CUL4B: variants seen among roughly 807,000 people sequenced by gnomAD.
CUL4B encodes the protein cullin-4B.
Under a neutral mutation model 69.2 loss-of-function variants are expected in CUL4B, and 1 was observed. That is an observed-to-expected ratio of 0.01 (90% CI 0.01 to 0.07). The LOEUF (loss-of-function observed/expected upper bound fraction) is 0.07, where lower values mean the gene tolerates loss of function less well. Ranked by LOEUF, CUL4B falls within the 10% of genes least tolerant of loss-of-function variation. CUL4B has a pLI of 1.00. For synonymous variants in CUL4B, 237 were observed against 223.2 expected (o/e 1.06, Z -0.55); for missense variants, 328 against 638.8 (o/e 0.51, Z 5.24).
intron 3 of CUL4B, 143 bp downstream of exon 3, chrX:120,546,993 T>C (rs1924378467): frequency 1.1e-5 from 5 of 475,414 alleles, no homozygotes; most frequent in Admixed American, 1.0e-4. Flanking sequence ...TCAAAATGTG[T>C]TTCTTTCTCG....
Position 120,532,410 on chromosome X carries a change from T to A in CUL4B, c.2439+12A>T, listed in dbSNP as rs1172931670. The A allele has an allele frequency of 1.7e-6, 2 of 1,178,111 alleles. No individual in the cohort carries two copies. Among genetic ancestry groups the A allele is most frequent in the South Asian group, 3.6e-5 (2 of 56,226 alleles). ...CCAGTGTGTTAGGACTAAGAGAAAG[T>A]GAAAGAAATACCGTTTCTTTCATCT... is the stretch of plus-strand genomic sequence containing the variant. On this transcript the variant is annotated intron_variant, in intron 18 of 19. Coordinates refer to ENST00000371322, the MANE Select transcript of CUL4B (RefSeq NM_001079872.2).
chrX:120,523,859 T>C lies in CUL4B; in HGVS notation c.*2902A>G. Among the ~76,000 whole-genome samples, 1 of 111,519 alleles carries C rather than the reference T, an allele frequency of 9.0e-6. No individual in the cohort carries two copies. Among genetic ancestry groups the C allele is most frequent in the East Asian group, 2.8e-4 (1 of 3,584 alleles). On this transcript the variant is annotated 3_prime_UTR_variant, in exon 20 of 20. Transcript: ENST00000371322. ...TTTTACAAAGCATAATTATGCAAAT[T>C]TTCATCAGTACTGCTCTTTTCTTTT...
At chrX:120,564,353 C>T (rs5910909), upstream of CUL4B, among the ~76,000 whole-genome samples, 20,274 of 110,987 alleles carry the variant, frequency 0.18, 1,522 homozygotes, top group South Asian at 0.26. Context: ...GGCTTGTAAT[C>T]CCAAAACTTT....
At chrX:120,550,458 A>G (rs1422362573) in intron 2 of CUL4B, among the ~76,000 whole-genome samples, 1 of 111,728 alleles carries the variant, frequency 9.0e-6, no homozygotes, top group Non-Finnish European at 1.9e-5. Context: ...AAGCAGAGAG[A>G]TGAGGCCCCT....
At chrX:120,530,311 C>A (rs1017677835) in intron 18 of CUL4B, 57 bp from the exon 19 acceptor site, 9 of 1,092,070 alleles carry the variant, frequency 8.2e-6, no homozygotes, top group African/African-American at 5.4e-5. Flanking sequence ...TGACTATTTA[C>A]ATAAATTGTG....
At chrX:120,565,722 CTTT>C (rs757952500), upstream of CUL4B, among the ~76,000 whole-genome samples, 1 of 59,442 alleles carries the variant, frequency 1.7e-5, no homozygotes. Context: ...AGTCCATTTA[CTTT>C]TTTTTTTTTT....
intron 2 of CUL4B, among the ~76,000 whole-genome samples, chrX:120,554,671 G>A (rs1218445104): frequency 3.6e-5 from 4 of 112,407 alleles, no homozygotes; most frequent in Non-Finnish European, 7.5e-5. Context: ...TCATGCAGAA[G>A]TAAGTTCTAA....
In CUL4B at chrX:120,530,346, T is replaced by C. The variant is rs866134394; in HGVS notation, c.2440-92A>G. On this transcript the variant is annotated intron_variant, in intron 18 of 19. Transcript: ENST00000371322. Reference sequence around the variant, plus strand: ...GCATTTTAGGGACATGACATTGTTATTGCTTTAAAGGTACTGAATTATCTA... The same window carrying C: ...GCATTTTAGGGACATGACATTGTTACTGCTTTAAAGGTACTGAATTATCTA... 2.9e-5 allele frequency: 25 copies of C among 873,479 alleles called. 1 individual carries two copies. The African/African-American group carries it at 3.1e-4, about 11-fold the overall frequency. 72.0% of individuals were successfully genotyped at this position (873,479 alleles called of 1,213,427 possible).
chrX:120,528,262 C>A (rs957012945), intron 19 of CUL4B, among the ~76,000 whole-genome samples: 1 of 109,406 alleles, frequency 9.1e-6, no homozygotes, highest in Non-Finnish European at 1.9e-5. Flanking sequence ...CAAGAATTAG[C>A]CAGGTGTGGT....
rs181386008 is a variant in CUL4B, at chrX:120,533,698, T to C, written c.2266+783A>G. Reference sequence around the variant, plus strand: ...CTTTGTTGCACTCTTACCACACTTATAGTCAGTACCACAAGCCAGTACTTA... The same window carrying C: ...CTTTGTTGCACTCTTACCACACTTACAGTCAGTACCACAAGCCAGTACTTA... On this transcript the variant is annotated intron_variant, in intron 17 of 19. Transcript: ENST00000371322. Among the ~76,000 whole-genome samples the C allele has an allele frequency of 1.5e-4, 17 of 111,944 alleles. No homozygotes were observed. The South Asian group carries it at 1.9e-3, about 12-fold the overall frequency.
At chrX:120,528,911 T>G (rs1923158629) in intron 19 of CUL4B, among the ~76,000 whole-genome samples, 1 of 111,986 alleles carries the variant, frequency 8.9e-6, no homozygotes, top group African/African-American at 3.2e-5. Flanking sequence ...ACTATATATC[T>G]TATGTATCTA....
At chrX:120,564,063 G>A (rs1925421320), upstream of CUL4B, among the ~76,000 whole-genome samples, 2 of 112,300 alleles carry the variant, frequency 1.8e-5, no homozygotes, top group Admixed American at 9.4e-5. Flanking sequence ...AGCACTTTGG[G>A]AGGCCAACAT....
At chrX:120,573,308 G>A (rs1414913280) in intron 2 of CUL4B, among the ~76,000 whole-genome samples, 2 of 111,203 alleles carry the variant, frequency 1.8e-5, no homozygotes, top group African/African-American at 3.3e-5. Flanking sequence ...CTTTTTAAGG[G>A]CTGTACACTA....
upstream of CUL4B, chrX:120,561,129 C>G (rs1925276942): frequency 2.1e-5 from 21 of 1,016,994 alleles, no homozygotes; most frequent in Non-Finnish European, 2.6e-5. Flanking sequence ...GGGGCGGTGT[C>G]AACCTCAGGG....
intron 4 of CUL4B, among the ~76,000 whole-genome samples, chrX:120,546,273 C>A (rs1924317677): frequency 9.1e-6 from 1 of 110,207 alleles, no homozygotes; most frequent in African/African-American, 3.3e-5. Context: ...TACAATGGTG[C>A]AATGTATACT....
In CUL4B at chrX:120,560,768, G is replaced by C. The variant is rs1173510838; in HGVS notation, c.-130C>G. The C allele has an allele frequency of 1.4e-6, 1 of 695,191 alleles. No homozygotes were observed. Among genetic ancestry groups the C allele is most frequent in the Non-Finnish European group, 1.8e-6 (1 of 558,236 alleles). 57.3% of individuals were successfully genotyped at this position (695,191 alleles called of 1,213,427 possible). On this transcript the variant is annotated 5_prime_UTR_variant, in exon 1 of 20. Coordinates refer to ENST00000371322, the MANE Select transcript of CUL4B (RefSeq NM_001079872.2). ...AGAAGAGAGGAGAAACACAGAGGAC[G>C]AGAAGGAAAGTGAAGGGGGGGGCTA...
At chrX:120,567,119 T>A (rs1384932164), downstream of CUL4B, among the ~76,000 whole-genome samples, 2 of 4,992 alleles carry the variant, frequency 4.0e-4, no homozygotes, top group Non-Finnish European at 8.3e-4. Flanking sequence ...CCAATTTAGA[T>A]TTTTTTTTTT....
chrX:120,568,495 A>G (rs1409369739), downstream of CUL4B, among the ~76,000 whole-genome samples: 2 of 111,753 alleles, frequency 1.8e-5, no homozygotes, highest in Non-Finnish European at 3.8e-5. Context: ...CAAGTCATGT[A>G]TTTTTCCTGC....
At chrX:120,561,675 GACGGAATAAA>G (rs1925331795), upstream of CUL4B, among the ~76,000 whole-genome samples, 2 of 108,938 alleles carry the variant, frequency 1.8e-5, no homozygotes, top group South Asian at 8.0e-4. Context: ...GAGAGGGAGG[GACGGAATAAA>G]ACGTAAGGGT....
Sources: allele counts gnomAD v4.1 joint callset (sites outside exome capture counted in the v4.1 genomes callset), GRCh38; gene constraint gnomAD v4.1.1; transcripts MANE v1.5; gene names NCBI Gene and HGNC (gene_info 2026-07-23, HGNC 2026-07-21).